TPM4: variants seen among roughly 807,000 people sequenced by gnomAD.
The protein encoded by TPM4 is tropomyosin alpha-4 chain.
TPM4 carries 17 observed loss-of-function variants against 35.8 expected under a neutral mutation model. The observed-to-expected ratio is 0.47, with a 90% CI of 0.32 to 0.71. The LOEUF is 0.71. Among genes scored for constraint, TPM4 ranks in the 30% least tolerant of loss-of-function variants. The probability of loss-of-function intolerance (pLI) is 0.03; values close to 1 mark genes in which losing one functional copy is unlikely to be tolerated. For missense variants in TPM4, 240 were observed against 320.9 expected, an observed-to-expected ratio of 0.75 and a Z score of 1.93; for synonymous variants, 120 against 122.9, an observed-to-expected ratio of 0.98 and a Z score of 0.15.
Position 16,067,829 on chromosome 19 carries a change from C to A in TPM4, c.114+91C>A. ...CTGGAGCCCAGTTGGGGGTCGCAGA[C>A]ACCTGCGGGAGGATAGGAGGCTGAT... On this transcript the variant is annotated intron_variant, in intron 2 of 2. Transcript: ENST00000589897. This position sits in a 1 kb window ranked among gnomAD's most constrained non-coding sequence, Gnocchi z 4.1. The A allele has an allele frequency of 1.7e-6, 2 of 1,208,958 alleles. No individual in the cohort carries two copies. Among genetic ancestry groups the A allele is most frequent in the Middle Eastern group, 1.9e-4 (1 of 5,166 alleles). 74.9% of individuals were successfully genotyped at this position (1,208,958 alleles called of 1,614,324 possible). A position where few individuals can be genotyped will look rare whatever the true frequency, so the allele number is the denominator to read the frequency against.
chr19:16,098,755 A>G (rs1266244217), intron 7 of TPM4, among the ~76,000 whole-genome samples: 1 of 152,094 alleles, frequency 6.6e-6, no homozygotes, highest in Non-Finnish European at 1.5e-5. Context: ...AATCTGGGCA[A>G]TATGGCAAGA....
chr19:16,082,444 G>C (rs1241766304), intron 2 of TPM4, among the ~76,000 whole-genome samples: 1 of 152,252 alleles, frequency 6.6e-6, no homozygotes, highest in Non-Finnish European at 1.5e-5. Context: ...CCAGGAGGCA[G>C]AGGCTGCAGT....
chr19:16,071,205 A>G (rs1243381752), intron 2 of TPM4, among the ~76,000 whole-genome samples: 3 of 152,180 alleles, frequency 2.0e-5, no homozygotes, highest in East Asian at 3.9e-4. Context: ...ATGTATTTTT[A>G]TTTTTTAGAG....
At position 16,067,661 on chromosome 19, in the gene TPM4, T is replaced by C. The variant is rs1348696050; in HGVS notation, c.37T>C (p.Leu13=). 3.1e-6 allele frequency: 5 copies of C among 1,613,492 alleles called. No homozygotes were observed. The highest frequency in any genetic ancestry group is 3.3e-5 in the Admixed American group (2 of 59,956). The stretch of plus-strand genomic sequence containing the variant: ...CAAGAAGAAAATGCAGATGCTGAAG[T>C]TGGACAAGGAGAATGCCATCGACCG... The change falls in exon 2 of 3, where the codon TTG becomes CTG. Residue 13 remains leucine (L), a synonymous_variant. Coordinates refer to the TPM4 transcript ENST00000589897. The surrounding 1 kb of genome is among the most constrained non-coding windows in gnomAD (Gnocchi z 4.1).
intron 5 of TPM4, among the ~76,000 whole-genome samples, chr19:16,092,127 G>A (rs1308779536): frequency 2.6e-5 from 4 of 151,102 alleles, no homozygotes; most frequent in African/African-American, 4.9e-5. Flanking sequence ...ACAGTGAGCC[G>A]AGATCGTACC....
intron 1 of TPM4, chr19:16,076,935 G>A (rs1463482375): frequency 4.5e-6 from 4 of 886,328 alleles, no homozygotes; most frequent in African/African-American, 3.5e-5. Flanking sequence ...GTCGGGCGGG[G>A]CCGGCCAAGC....
At chr19:16,069,307 G>A (rs969780573) in intron 2 of TPM4, among the ~76,000 whole-genome samples, 24 of 151,970 alleles carry the variant, frequency 1.6e-4, no homozygotes, top group Non-Finnish European at 3.1e-4. Context: ...GTGTATGGAT[G>A]AGTGTGTGTT....
At chr19:16,074,493 C>A (rs1450386690), upstream of TPM4, 1 of 152,188 alleles carries the variant, frequency 6.6e-6, no homozygotes, top group South Asian at 2.1e-4. Context: ...GGTGGGTCAA[C>A]CCTCATGACC....
intron 1 of TPM4, 31 bp from the exon 2 acceptor site, chr19:16,081,882 C>T: frequency 6.4e-7 from 1 of 1,558,882 alleles, no homozygotes; most frequent in East Asian, 2.3e-5. Context: ...CCTGATACTT[C>T]TTAACATGGC....
At chr19:16,069,139 CGT>C (rs1167516325) in intron 2 of TPM4, among the ~76,000 whole-genome samples, 1 of 152,008 alleles carries the variant, frequency 6.6e-6, no homozygotes, top group African/African-American at 2.4e-5. Context: ...TTTCTGATGG[CGT>C]GTGTGTGTGC....
intron 5 of TPM4, among the ~76,000 whole-genome samples, chr19:16,090,286 A>ATTT (rs558468300): frequency 3.9e-5 from 5 of 126,936 alleles, no homozygotes; most frequent in South Asian, 2.5e-4. Context: ...CCAAAACTGT[A>ATTT]TTTTTTTTTT....
intron 5 of TPM4, among the ~76,000 whole-genome samples, chr19:16,090,956 A>G (rs1256711891): frequency 1.3e-5 from 2 of 150,466 alleles, no homozygotes; most frequent in Non-Finnish European, 2.9e-5. Context: ...TATATCTGAT[A>G]CTAGGATGTG....
chr19:16,076,313 G>A, upstream of TPM4: 10 of 1,506,630 alleles, frequency 6.6e-6, no homozygotes, highest in South Asian at 9.0e-5. Flanking sequence ...AATAAGTCCC[G>A]AAAAGGGGCA....
At position 16,076,628 on chromosome 19, in the gene TPM4, G is replaced by A. The variant is rs941649581; in HGVS notation, c.63G>A (p.Ala21=). The change falls in exon 1 of 8, where the codon GCG becomes GCA. Residue 21 remains alanine (A), a synonymous_variant. Transcript: ENST00000643579. ...AGATCCAGGCCCTGCAGCAGCAGGC[G>A]GACGAGGCGGAAGACCGCGCGCAGG... The part of the protein sequence containing the change: ...KRKIQALQQQ[A]DEAEDRAQGL... 6 of 1,459,774 alleles carry A rather than the reference G, an allele frequency of 4.1e-6. No homozygotes were observed. In the African/African-American group the frequency reaches 4.4e-5, roughly 11 times the overall value. 90.4% of individuals were successfully genotyped at this position (1,459,774 alleles called of 1,614,324 possible).
At chr19:16,083,913 C>T (rs981061445) in intron 2 of TPM4, among the ~76,000 whole-genome samples, 3 of 152,016 alleles carry the variant, frequency 2.0e-5, no homozygotes, top group African/African-American at 7.2e-5. Context: ...GGACTACAGG[C>T]GCATGCCATC....
chr19:16,080,844 A>C, intron 1 of TPM4: 1 of 393,188 alleles, frequency 2.5e-6, no homozygotes, highest in Non-Finnish European at 4.5e-6. Flanking sequence ...CAAAGCGGGG[A>C]TTCCAGCCCA....
chr19:16,075,846 G>A (rs967541550), upstream of TPM4: 1 of 767,350 alleles, frequency 1.3e-6, no homozygotes, highest in Non-Finnish European at 2.0e-6. Flanking sequence ...TCCTCAGGAC[G>A]AGGGAAAGAT....
intron 2 of TPM4, 107 bp downstream of exon 2, chr19:16,082,153 A>G (rs2090491758): frequency 7.1e-6 from 10 of 1,406,032 alleles, no homozygotes; most frequent in Non-Finnish European, 4.8e-6. Context: ...TCACAAGGAC[A>G]TGCATGTGTC....
chr19:16,081,901 C>T lies in TPM4; in HGVS notation c.133-12C>T, dbSNP rs552860296. ...ATACTTCTTAACATGGCTGCACCTC[C>T]GACCTCCCCAGGCTGAAGGTGATGT... On this transcript the variant is annotated splice_polypyrimidine_tract_variant and intron_variant, in intron 1 of 7. Coordinates refer to ENST00000643579, the MANE Select transcript of TPM4 (RefSeq NM_003290.3). The T allele has an allele frequency of 2.2e-4, 354 of 1,581,858 alleles. 1 individual carries two copies. In the South Asian group the frequency reaches 3.6e-3, roughly 16 times the overall value.
Sources: allele counts gnomAD v4.1 joint callset (sites outside exome capture counted in the v4.1 genomes callset), GRCh38; gene constraint gnomAD v4.1.1; non-coding constraint Gnocchi (gnomAD v3.1); transcripts MANE v1.5; gene names NCBI Gene and HGNC (gene_info 2026-07-23, HGNC 2026-07-21).